Variants in PCDHGA3 observed in about 807,000 individuals in gnomAD.
PCDHGA3 encodes the protein protocadherin gamma subfamily A, 3.
A neutral mutation model predicts 58.5 loss-of-function variants in PCDHGA3; 40 were observed. That is an observed-to-expected ratio of 0.68 (90% confidence interval 0.53 to 0.89). The LOEUF (loss-of-function observed/expected upper bound fraction) is 0.89. PCDHGA3 is among the 40% of genes least tolerant of loss of function. PCDHGA3 has a pLI of 0.00. For missense variants in PCDHGA3, 1,223 were observed against 1,195.9 expected (o/e 1.02, Z -0.33); for synonymous variants, 530 against 525.7 (o/e 1.01, Z -0.11).
intron 1 of PCDHGA3, chr5:141,421,256 G>A (rs1205670837): frequency 1.2e-6 from 2 of 1,607,696 alleles, no homozygotes; most frequent in African/African-American, 1.3e-5. Flanking sequence ...CGCGGGGACC[G>A]CAGTCGGCTG....
chr5:141,388,109 C>T, intron 1 of PCDHGA3: 2 of 1,404,160 alleles, frequency 1.4e-6, no homozygotes, highest in Non-Finnish European at 2.0e-6. Context: ...AGCCTTACTT[C>T]ACCGTGAGCG....
Position 141,490,867 on chromosome 5 carries a change from C to G in PCDHGA3, c.2425-3940C>G. ...GGGGGTTCGAGACTCCGGCTCTCCC[C>G]CATTGCATGCCAACACATCTCTGCA... On this transcript the variant is annotated intron_variant, in intron 1 of 3. Coordinates refer to ENST00000253812, the MANE Select transcript of PCDHGA3 (RefSeq NM_018916.4). This position sits in a 1 kb window ranked among gnomAD's most constrained non-coding sequence, Gnocchi z 5.4. 6.2e-7 allele frequency: 1 copy of G among 1,613,912 alleles called. No individual in the cohort carries two copies. The highest frequency in any genetic ancestry group is 8.5e-7 in the Non-Finnish European group (1 of 1,179,936).
Position 141,345,961 on chromosome 5 carries a change from T to A in PCDHGA3, c.1928T>A (p.Val643Glu), listed in dbSNP as rs1253833564. Residue 643 changes from valine (V) to glutamate (E), a missense_variant, in exon 1 of 4, where the codon GTG becomes GAG. Physicochemically the swap from Val to Glu is moderately radical, Grantham distance 121. Around this residue, in one of 3 missense-constraint regions of PCDHGA3, gnomAD observed 107 missense variants for 159.8 expected, o/e 0.67. Transcript: ENST00000253812. The part of the protein sequence containing the change: ...LDRDALKQSL[V>E]VAVQDHGQPP... ...AGAGACGCGCTCAAGCAGAGCCTCGTGGTGGCCGTCCAGGACCACGGCCAG... is the reference window on the plus strand; with the variant it reads ...AGAGACGCGCTCAAGCAGAGCCTCGAGGTGGCCGTCCAGGACCACGGCCAG... The A allele has an allele frequency of 1.2e-6, 2 of 1,613,460 alleles. No individual in the cohort carries two copies. Among genetic ancestry groups the A allele is most frequent in the Non-Finnish European group, 1.7e-6 (2 of 1,179,858 alleles).
In PCDHGA3 at chr5:141,491,511, C is replaced by G. The variant is rs777448782; in HGVS notation, c.2425-3296C>G. 6.2e-7 allele frequency: 1 copy of G among 1,614,080 alleles called. No individual in the cohort carries two copies. The highest frequency in any genetic ancestry group is 8.5e-7 in the Non-Finnish European group (1 of 1,180,018). ...TGCAGGTGAGCTCGGACGGCACGCT[C>G]AAGTACATGGAGGTGACGCTGCGGC... On this transcript the variant is annotated intron_variant, in intron 1 of 3. Transcript: ENST00000253812. This position sits in a 1 kb window ranked among gnomAD's most constrained non-coding sequence, Gnocchi z 6.9.
At chr5:141,494,776 C>T in intron 1 of PCDHGA3, 31 bp from the exon 2 acceptor site, 1 of 1,614,100 alleles carries the variant, frequency 6.2e-7, no homozygotes, top group East Asian at 2.2e-5. Context: ...CTCACGGGTA[C>T]TCAGCCCCTT....
At position 141,511,572 on chromosome 5, in the gene PCDHGA3, T is replaced by C. The variant is rs1366960269; in HGVS notation, c.*399T>C. The C allele has an allele frequency of 1.0e-5, 3 of 289,550 alleles. No homozygotes were observed. The East Asian group carries it at 2.4e-4, about 23-fold the overall frequency. 17.9% of individuals were successfully genotyped at this position (289,550 alleles called of 1,614,324 possible). ...AACAGTTCCTCTTTCCCGAGTAAGG[T>C]GGTTGGGGTGTTGAAGTACCAAGTA... On this transcript the variant is annotated 3_prime_UTR_variant, in exon 4 of 4. Coordinates refer to ENST00000253812, the MANE Select transcript of PCDHGA3 (RefSeq NM_018916.4).
rs1369956811 is a variant in PCDHGA3, at chr5:141,460,759, A to G, written c.2425-34048A>G. Among the ~76,000 whole-genome samples, 3 of 152,088 alleles carry G rather than the reference A, an allele frequency of 2.0e-5. No individual in the cohort carries two copies. In the East Asian group the frequency reaches 5.8e-4, roughly 29 times the overall value. On this transcript the variant is annotated intron_variant, in intron 1 of 3. Coordinates refer to ENST00000253812, the MANE Select transcript of PCDHGA3 (RefSeq NM_018916.4). ...ATTGTATATATATGTGTACATATAC[A>G]TATTGCATATGTATGTATACATATA...
chr5:141,424,962 C>G (rs1018789700), intron 1 of PCDHGA3, among the ~76,000 whole-genome samples: 2 of 152,116 alleles, frequency 1.3e-5, no homozygotes, highest in Admixed American at 6.6e-5. Flanking sequence ...GTATTTGCCC[C>G]AAATTACTTG....
At chr5:141,500,360 T>C (rs1224064939) in intron 2 of PCDHGA3, among the ~76,000 whole-genome samples, 1 of 151,664 alleles carries the variant, frequency 6.6e-6, no homozygotes, top group Non-Finnish European at 1.5e-5. Context: ...AGGCGCCCAC[T>C]ACCACGCCCG....
chr5:141,393,428 G>A (rs1043256482), intron 1 of PCDHGA3: 2 of 1,614,042 alleles, frequency 1.2e-6, no homozygotes, highest in Admixed American at 1.7e-5. Flanking sequence ...GGGAGGAAGA[G>A]GCTGCTCACC....
chr5:141,436,384 C>A lies in PCDHGA3; in HGVS notation c.2425-58423C>A, dbSNP rs1048094484. 2.6e-5 allele frequency among the ~76,000 whole-genome samples: 4 copies of A among 152,222 alleles called. 1 individual carries two copies. Among genetic ancestry groups the A allele is most frequent in the Non-Finnish European group, 4.4e-5 (3 of 67,978 alleles). On this transcript the variant is annotated intron_variant, in intron 1 of 3. Coordinates refer to ENST00000253812, the MANE Select transcript of PCDHGA3 (RefSeq NM_018916.4). The stretch of plus-strand genomic sequence containing the variant: ...ATGTTTCCAGTTTAAGCTGAATAGG[C>A]TTTATTAAATAGTTGTTGAATGAAT...
In PCDHGA3 at chr5:141,450,775, C is replaced by T. The variant is rs561501224; in HGVS notation, c.2425-44032C>T. ...GTGCCGGGATTACAGGCATGAGCCA[C>T]CGTGCCCGGACCTCATGATTGTATT... On this transcript the variant is annotated intron_variant, in intron 1 of 3. Coordinates refer to ENST00000253812, the MANE Select transcript of PCDHGA3 (RefSeq NM_018916.4). Among the ~76,000 whole-genome samples the T allele has an allele frequency of 2.3e-3, 352 of 151,748 alleles. 1 individual carries two copies. The highest frequency in any genetic ancestry group is 4.5e-3 in the Non-Finnish European group (306 of 67,958).
chr5:141,373,373 C>T (rs1171696467), intron 1 of PCDHGA3, among the ~76,000 whole-genome samples: 1 of 152,142 alleles, frequency 6.6e-6, no homozygotes, highest in East Asian at 1.9e-4. Flanking sequence ...TGAATTGGTT[C>T]AAAATGTGTT....
chr5:141,472,290 C>T (rs2099275934), intron 1 of PCDHGA3, among the ~76,000 whole-genome samples: 2 of 152,096 alleles, frequency 1.3e-5, no homozygotes, highest in Admixed American at 6.6e-5. Flanking sequence ...ACCTGTAATC[C>T]CAGCACTTTG....
intron 1 of PCDHGA3, chr5:141,428,062 A>G: frequency 6.2e-7 from 1 of 1,609,084 alleles, no homozygotes; most frequent in African/African-American, 1.3e-5. Flanking sequence ...GTGGCGGTGG[A>G]CGCAGATTCG....
At chr5:141,413,189 G>C in intron 1 of PCDHGA3, 7 of 1,606,972 alleles carry the variant, frequency 4.4e-6, no homozygotes, top group Non-Finnish European at 6.0e-6. Context: ...GCCGCTCAAA[G>C]GAATCGCTCA....
chr5:141,351,336 G>C, intron 1 of PCDHGA3: 1 of 1,613,598 alleles, frequency 6.2e-7, no homozygotes, highest in Non-Finnish European at 8.5e-7. Context: ...TCAGACCTTG[G>C]AACTGTAATA....
At chr5:141,370,485 G>T (rs905115445) in intron 1 of PCDHGA3, 1 of 1,613,916 alleles carries the variant, frequency 6.2e-7, no homozygotes, top group Admixed American at 1.7e-5. Context: ...GGCTCTCTCC[G>T]AACCGATCCG....
rs201704748 is a variant in PCDHGA3, at chr5:141,431,453, G to A, written c.2425-63354G>A. The A allele has an allele frequency of 5.7e-4, 914 of 1,613,802 alleles. 10 individuals are homozygous for A. The South Asian group carries it at 9.6e-3, about 17-fold the overall frequency. ...AGGCACCGCGCGCATCCGCGTGATG[G>A]TTCTGGATGCGAACGACAACGCACC... On this transcript the variant is annotated intron_variant, in intron 1 of 3. Coordinates refer to ENST00000253812, the MANE Select transcript of PCDHGA3 (RefSeq NM_018916.4). This position sits in a 1 kb window ranked among gnomAD's most constrained non-coding sequence, Gnocchi z 4.8.
Sources: allele counts gnomAD v4.1 joint callset (sites outside exome capture counted in the v4.1 genomes callset), GRCh38; gene constraint gnomAD v4.1.1; regional missense constraint gnomAD v4.1.1; non-coding constraint Gnocchi (gnomAD v3.1); transcripts MANE v1.5; gene names NCBI Gene and HGNC (gene_info 2026-07-23, HGNC 2026-07-21).